The following NFIC variants were observed in gnomAD, a reference collection of about 807,000 sequenced individuals.
NFIC encodes nuclear factor 1 C-type.
Under a neutral mutation model 54.4 loss-of-function variants are expected in NFIC, and 12 were observed. The ratio of observed to expected loss-of-function variants is 0.22; its 90% CI spans 0.14 to 0.36. The LOEUF (loss-of-function observed/expected upper bound fraction) is 0.36, where lower values mean the gene tolerates loss of function less well. Among genes scored for constraint, NFIC ranks in the 10% least tolerant of loss-of-function variants. NFIC has a pLI of 1.00. For missense variants in NFIC, 575 were observed against 718.2 expected (o/e 0.80, Z 2.28); for synonymous variants, 322 against 319.2 (o/e 1.01, Z -0.09).
At position 3,369,503 on chromosome 19, in the gene NFIC, C is replaced by A. The variant is rs909143610; in HGVS notation, c.30+2837C>A. ...TCCGACCCGGATCCTTCTCGGGAGC[C>A]GAGGCTGGCGGGGGGTGGGGGGCAT... is the stretch of plus-strand genomic sequence containing the variant. On this transcript the variant is annotated intron_variant, in intron 1 of 10. Coordinates refer to ENST00000443272, the MANE Select transcript of NFIC (RefSeq NM_001245002.2). The surrounding 1 kb of genome is among the most constrained non-coding windows in gnomAD (Gnocchi z 4.3). 6.6e-6 allele frequency among the ~76,000 whole-genome samples: 1 copy of A among 152,050 alleles called. No individual in the cohort carries two copies. The highest frequency in any genetic ancestry group is 1.5e-5 in the Non-Finnish European group (1 of 68,006).
intron 2 of NFIC, among the ~76,000 whole-genome samples, chr19:3,402,236 G>A (rs2081570200): frequency 6.6e-6 from 1 of 152,138 alleles, no homozygotes; most frequent in Non-Finnish European, 1.5e-5. Flanking sequence ...AGTAGAGATG[G>A]GGCTTTGTCA....
intron 3 of NFIC, among the ~76,000 whole-genome samples, chr19:3,428,449 C>CA (rs562591211): frequency 0.029 from 3,590 of 125,572 alleles, 90 homozygotes; most frequent in African/African-American, 0.066. Flanking sequence ...GAGACTGTCT[C>CA]AAAAAAAAAA....
chr19:3,374,599 G>T (rs2081073710), intron 1 of NFIC, among the ~76,000 whole-genome samples: 2 of 152,194 alleles, frequency 1.3e-5, no homozygotes, highest in African/African-American at 4.8e-5. Flanking sequence ...GGATGGTCCT[G>T]GCTAGATCTG....
rs566284369 is a variant in NFIC, at chr19:3,461,972, T to C, written c.1510-780T>C. On this transcript the variant is annotated intron_variant, in intron 10 of 10. Coordinates refer to ENST00000443272, the MANE Select transcript of NFIC (RefSeq NM_001245002.2). ...GGGAGGCTGAGGCAGGAGAATCACT[T>C]GAACCTGGGAGGCAGAGGTTGCAAT... 7.1e-3 allele frequency among the ~76,000 whole-genome samples: 1,082 copies of C among 151,870 alleles called. 3 individuals carry two copies. Among genetic ancestry groups the C allele is most frequent in the Non-Finnish European group, 0.012 (846 of 67,974 alleles).
chr19:3,433,093 T>A (rs1237194682), intron 3 of NFIC, among the ~76,000 whole-genome samples: 2 of 152,102 alleles, frequency 1.3e-5, no homozygotes, highest in Non-Finnish European at 2.9e-5. Context: ...GCCTCCTGAG[T>A]AGCTGGGACT....
At chr19:3,447,558 G>A (rs149058281) in intron 6 of NFIC, among the ~76,000 whole-genome samples, 824 of 152,338 alleles carry the variant, frequency 5.4e-3, no homozygotes, top group Non-Finnish European at 8.8e-3. Context: ...CGGAAAGCAG[G>A]GCTGAAGGCA....
At chr19:3,374,214 G>C (rs892062058) in intron 1 of NFIC, among the ~76,000 whole-genome samples, 2 of 152,154 alleles carry the variant, frequency 1.3e-5, no homozygotes, top group Non-Finnish European at 2.9e-5. Flanking sequence ...GTGAGTGAGG[G>C]CATCACCCAG....
intron 3 of NFIC, among the ~76,000 whole-genome samples, chr19:3,429,170 C>T (rs2145615780): frequency 7.5e-6 from 1 of 133,456 alleles, no homozygotes; most frequent in African/African-American, 2.9e-5. Context: ...CACACACACA[C>T]ACACTAGCCC....
intron 5 of NFIC, among the ~76,000 whole-genome samples, 198 bp downstream of exon 5, chr19:3,434,598 G>A (rs796228123): frequency 1.6e-4 from 24 of 152,074 alleles, no homozygotes; most frequent in African/African-American, 5.8e-4. Flanking sequence ...ACAGCCCACC[G>A]TGGGCTCCCC....
chr19:3,424,805 T>C (rs1006919465), intron 2 of NFIC, among the ~76,000 whole-genome samples: 1 of 152,234 alleles, frequency 6.6e-6, no homozygotes, highest in African/African-American at 2.4e-5. Context: ...GTCTAAGTTC[T>C]TACCCACGAC....
chr19:3,421,167 C>T (rs1356987101), intron 2 of NFIC, among the ~76,000 whole-genome samples: 2 of 152,254 alleles, frequency 1.3e-5, no homozygotes, highest in Non-Finnish European at 2.9e-5. Flanking sequence ...CAAGCTCATG[C>T]TGGGAGCCAC....
intron 5 of NFIC, 67 bp from the exon 6 acceptor site, chr19:3,435,016 C>G (rs1019076541): frequency 6.1e-5 from 90 of 1,483,514 alleles, no homozygotes; most frequent in Middle Eastern, 1.8e-4. Flanking sequence ...AGTAGCAAAG[C>G]CCGCCGTCGC....
At position 3,366,595 on chromosome 19, in the gene NFIC, G is replaced by A. The variant is rs577770657; in HGVS notation, c.-42G>A. 10 of 1,341,060 alleles carry A rather than the reference G, an allele frequency of 7.5e-6. No homozygotes were observed. The East Asian group carries it at 8.3e-5, about 11-fold the overall frequency. 83.1% of individuals were successfully genotyped at this position (1,341,060 alleles called of 1,614,324 possible). ...GGAAAAATGACTCAGTAAGTTCAGC[G>A]CGCCCGCTCCGGCCGGCCCTGCGCC... On this transcript the variant is annotated 5_prime_UTR_variant, in exon 1 of 11. Transcript: ENST00000443272.
intron 7 of NFIC, among the ~76,000 whole-genome samples, chr19:3,449,495 C>T (rs913434077): frequency 3.3e-5 from 5 of 152,170 alleles, no homozygotes; most frequent in African/African-American, 1.2e-4. Context: ...CACAGTGGCT[C>T]ACACCTGTAA....
chr19:3,461,033 G>A lies in NFIC; in HGVS notation c.1510-1719G>A, dbSNP rs1190571568. ...CTAGCTACTCGGGAGGCTGAGGCAA[G>A]AAAATCACTTGAACCCGGGAGGCAG... is the stretch of plus-strand genomic sequence containing the variant. On this transcript the variant is annotated intron_variant, in intron 10 of 10. Coordinates refer to ENST00000443272, the MANE Select transcript of NFIC (RefSeq NM_001245002.2). 4.6e-5 allele frequency among the ~76,000 whole-genome samples: 7 copies of A among 152,080 alleles called. No individual in the cohort carries two copies. The East Asian group carries it at 1.4e-3, about 30-fold the overall frequency.
At chr19:3,366,470 AGCAGGAG>A, upstream of NFIC, 1 of 496,756 alleles carries the variant, frequency 2.0e-6, no homozygotes, top group Non-Finnish European at 3.5e-6. Flanking sequence ...AGAGAGGGAG[AGCAGGAG>A]GGAGGAGGAG....
chr19:3,408,393 G>C (rs1435181821), intron 2 of NFIC, among the ~76,000 whole-genome samples: 1 of 152,144 alleles, frequency 6.6e-6, no homozygotes, highest in Non-Finnish European at 1.5e-5. Context: ...ACACCTGAGA[G>C]TCCAGAAGTT....
At chr19:3,378,592 C>T (rs1405961576) in intron 1 of NFIC, among the ~76,000 whole-genome samples, 2 of 152,188 alleles carry the variant, frequency 1.3e-5, no homozygotes, top group African/African-American at 4.8e-5. Flanking sequence ...GGCCGGGTTC[C>T]CCCTCAAGGC....
chr19:3,388,603 A>T (rs923998653), intron 2 of NFIC, among the ~76,000 whole-genome samples: 1 of 151,036 alleles, frequency 6.6e-6, no homozygotes, highest in Non-Finnish European at 1.5e-5. Context: ...CAGGAGGATC[A>T]CTTGAGGCCA....
Sources: allele counts gnomAD v4.1 joint callset (sites outside exome capture counted in the v4.1 genomes callset), GRCh38; gene constraint gnomAD v4.1.1; non-coding constraint Gnocchi (gnomAD v3.1); transcripts MANE v1.5; gene names NCBI Gene and HGNC (gene_info 2026-07-23, HGNC 2026-07-21).